The following WWOX variants were observed in gnomAD, a reference collection of about 807,000 sequenced individuals.
The protein encoded by WWOX is WW domain containing oxidoreductase.
A neutral mutation model predicts 46.2 loss-of-function variants in WWOX; 69 were observed. The ratio of observed to expected loss-of-function variants is 1.49; its 90% CI spans 1.23 to 1.82. The LOEUF (loss-of-function observed/expected upper bound fraction) is 1.82, where lower values mean the gene tolerates loss of function less well. Among genes scored for constraint, WWOX ranks in the 40% most tolerant of loss-of-function variants. The pLI, the probability that WWOX is intolerant of heterozygous loss-of-function variation, is 0.00. For synonymous variants in WWOX, 359 were observed against 202.6 expected, an observed-to-expected ratio of 1.77 and a Z score of -6.56; for missense variants, 919 against 542.6, an observed-to-expected ratio of 1.69 and a Z score of -6.89.
chr16:78,284,012 TATTG>T (rs1205139071), intron 5 of WWOX, among the ~76,000 whole-genome samples: 1 of 152,186 alleles, frequency 6.6e-6, no homozygotes, highest in Non-Finnish European at 1.5e-5. Flanking sequence ...ACATTGAACA[TATTG>T]ATTAATGATC....
chr16:78,684,251 T>G (rs907098362), intron 8 of WWOX, among the ~76,000 whole-genome samples: 1 of 152,184 alleles, frequency 6.6e-6, no homozygotes, highest in Non-Finnish European at 1.5e-5. Flanking sequence ...GATTTGCCCT[T>G]GGCTCATGTA....
intron 8 of WWOX, among the ~76,000 whole-genome samples, chr16:78,637,597 C>G (rs1371794987): frequency 1.3e-5 from 2 of 152,166 alleles, no homozygotes; most frequent in African/African-American, 4.8e-5. Flanking sequence ...TTTCCTTACT[C>G]ACTGACATCA....
intron 8 of WWOX, chr16:78,525,063 A>C (rs1453069810): frequency 6.6e-6 from 1 of 151,206 alleles, no homozygotes; most frequent in Non-Finnish European, 1.5e-5. Context: ...ATAGGGCCTC[A>C]CTATGTTGCC....
intron 8 of WWOX, among the ~76,000 whole-genome samples, chr16:78,792,415 T>A (rs73575634): frequency 6.6e-6 from 1 of 152,178 alleles, no homozygotes; most frequent in African/African-American, 2.4e-5. Context: ...GATGGCTTCC[T>A]ATTGCTTCTT....
chr16:78,114,163 T>C (rs1029012731), intron 3 of WWOX, among the ~76,000 whole-genome samples: 1 of 145,442 alleles, frequency 6.9e-6, no homozygotes, highest in Non-Finnish European at 1.5e-5. Context: ...AGTGGCACAA[T>C]CATGGCTCAC....
intron 5 of WWOX, among the ~76,000 whole-genome samples, chr16:78,225,536 CATT>C (rs1361473994): frequency 6.6e-6 from 1 of 152,122 alleles, no homozygotes; most frequent in Non-Finnish European, 1.5e-5. Flanking sequence ...TCCATGGTAA[CATT>C]ATATTGACTC....
chr16:78,908,633 G>A (rs545571537), intron 8 of WWOX, among the ~76,000 whole-genome samples: 184 of 152,212 alleles, frequency 1.2e-3, no homozygotes, highest in Non-Finnish European at 2.1e-3. Flanking sequence ...CAAAACTCAG[G>A]GATAGAGATT....
rs537646323 is a variant in WWOX at position 78,935,442 on chromosome 16, C to A, written c.1057-276166C>A. Among the ~76,000 whole-genome samples, 11 of 152,200 alleles carry A rather than the reference C, an allele frequency of 7.2e-5. No homozygotes were observed. In the East Asian group the frequency reaches 1.9e-3, roughly 27 times the overall value. ...CACAGCCATAAAAAAAGGATGAGTT[C>A]ATGTCTCTTGTAGGGACATGGATGA... On this transcript the variant is annotated intron_variant, in intron 8 of 8. Transcript: ENST00000566780.
intron 8 of WWOX, among the ~76,000 whole-genome samples, chr16:78,709,629 C>T (rs1185444429): frequency 6.6e-6 from 1 of 152,118 alleles, no homozygotes; most frequent in African/African-American, 2.4e-5. Context: ...ACATTTCAGG[C>T]CTTTTAACAG....
chr16:78,342,295 C>G (rs1398906705), intron 5 of WWOX, among the ~76,000 whole-genome samples: 1 of 120,466 alleles, frequency 8.3e-6, no homozygotes, highest in Non-Finnish European at 2.0e-5. Context: ...CTGATTTGTT[C>G]CTTTCATTAC....
Position 78,762,083 on chromosome 16 carries a change from T to C in WWOX, c.1056+329331T>C, listed in dbSNP as rs74884635. The stretch of plus-strand genomic sequence containing the variant: ...TCTGTGCTGGCCTTTTCACTGAAGT[T>C]CTCTGATGTAACTGCCCACAGTAAT... On this transcript the variant is annotated intron_variant, in intron 8 of 8. Transcript: ENST00000566780. Among the ~76,000 whole-genome samples, 158 of 152,314 alleles carry C rather than the reference T, an allele frequency of 1.0e-3. 1 individual carries two copies. In the East Asian group the frequency reaches 0.011, roughly 11 times the overall value.
At chr16:78,684,373 TAGC>T (rs1006078957) in intron 8 of WWOX, among the ~76,000 whole-genome samples, 3 of 152,192 alleles carry the variant, frequency 2.0e-5, no homozygotes, top group African/African-American at 7.2e-5. Flanking sequence ...GGGTTTTCCT[TAGC>T]AGGGAGTGCC....
intron 8 of WWOX, among the ~76,000 whole-genome samples, chr16:78,713,081 G>C (rs1399352944): frequency 6.6e-6 from 1 of 151,652 alleles, no homozygotes; most frequent in Non-Finnish European, 1.5e-5. Flanking sequence ...ACCAGCCAGG[G>C]TAACATAGGG....
chr16:78,891,247 G>C (rs1029849582), intron 8 of WWOX: 2 of 151,960 alleles, frequency 1.3e-5, no homozygotes, highest in Non-Finnish European at 2.9e-5. Flanking sequence ...GTAATTTCAG[G>C]TTTAGGATTG....
chr16:78,318,633 C>T lies in WWOX; in HGVS notation c.517-68227C>T, dbSNP rs112583194. On this transcript the variant is annotated intron_variant, in intron 5 of 8. Transcript: ENST00000566780. Reference sequence around the variant, plus strand: ...GTTGTAGAATGGGAATAGTACCCACCTTATAGGCTTGCTGTGGGGAGTAAG... The same window carrying T: ...GTTGTAGAATGGGAATAGTACCCACTTTATAGGCTTGCTGTGGGGAGTAAG... 2.6e-5 allele frequency among the ~76,000 whole-genome samples: 4 copies of T among 152,214 alleles called. No homozygotes were observed. In the East Asian group the frequency reaches 7.7e-4, roughly 29 times the overall value.
intron 8 of WWOX, among the ~76,000 whole-genome samples, chr16:78,923,971 T>C (rs2045440425): frequency 6.6e-6 from 1 of 151,836 alleles, no homozygotes. Context: ...GGCTAATTTT[T>C]TGTTTTATTT....
intron 8 of WWOX, among the ~76,000 whole-genome samples, chr16:78,440,337 T>C (rs2151394124): frequency 6.6e-6 from 1 of 152,284 alleles, no homozygotes; most frequent in South Asian, 2.1e-4. Flanking sequence ...CTTAGGGTTT[T>C]GAAACATGTT....
chr16:78,427,790 T>C (rs982375329), intron 7 of WWOX, among the ~76,000 whole-genome samples: 1 of 149,082 alleles, frequency 6.7e-6, no homozygotes, highest in Non-Finnish European at 1.5e-5. Flanking sequence ...AAATAAAAAT[T>C]AAAAATTGTT....
rs2081127686 is a variant in WWOX, at chr16:78,348,313, A to G, written c.517-38547A>G. 4.9e-5 allele frequency among the ~76,000 whole-genome samples: 6 copies of G among 121,336 alleles called. 1 individual carries two copies. In the South Asian group the frequency reaches 1.5e-3, roughly 30 times the overall value. The allele number at this position is 121,336 out of a possible 152,430, so 79.6% of individuals were successfully genotyped here. A position where few individuals can be genotyped will look rare whatever the true frequency, so the allele number is the denominator to read the frequency against. ...TACGTACAAGTCAAGCTGCCTCTGT[A>G]ATGTCACTTATATCCAGGAAAGAGT... On this transcript the variant is annotated intron_variant, in intron 5 of 8. Transcript: ENST00000566780.
Sources: gnomAD v4.1 joint callset for allele counts (sites outside exome capture counted in the v4.1 genomes callset) on GRCh38, gnomAD v4.1.1 for gene constraint, MANE v1.5 for transcripts, NCBI Gene and HGNC (gene_info 2026-07-23, HGNC 2026-07-21) for gene names.